RAB11FIP5: variants seen among roughly 807,000 people sequenced by gnomAD.
RAB11FIP5 encodes rab11 family-interacting protein 5.
A neutral mutation model predicts 85.1 loss-of-function variants in RAB11FIP5; 48 were observed. The ratio of observed to expected loss-of-function variants is 0.56; its 90% CI spans 0.45 to 0.72. The LOEUF (loss-of-function observed/expected upper bound fraction) is 0.72. Among genes scored for constraint, RAB11FIP5 ranks in the 30% least tolerant of loss-of-function variants. RAB11FIP5 has a pLI of 0.00. For missense variants in RAB11FIP5, 1,491 were observed against 1,687.0 expected, an observed-to-expected ratio of 0.88 and a Z score of 2.04; for synonymous variants, 729 against 727.3, an observed-to-expected ratio of 1.00 and a Z score of -0.04.
intron 1 of RAB11FIP5, among the ~76,000 whole-genome samples, chr2:73,111,927 T>A (rs889492868): frequency 7.2e-5 from 11 of 152,180 alleles, no homozygotes; most frequent in African/African-American, 2.7e-4. Context: ...AGGGCAAGGC[T>A]GCGCCTCTCC....
chr2:73,097,563 T>C (rs1298310173), intron 1 of RAB11FIP5, among the ~76,000 whole-genome samples: 1 of 152,218 alleles, frequency 6.6e-6, no homozygotes, highest in Non-Finnish European at 1.5e-5. Flanking sequence ...CAACAAATTA[T>C]TCTGTGACTA....
At chr2:73,103,805 C>T (rs997080249) in intron 1 of RAB11FIP5, among the ~76,000 whole-genome samples, 10 of 152,158 alleles carry the variant, frequency 6.6e-5, no homozygotes, top group Non-Finnish European at 1.5e-4. Context: ...AACAACCCTG[C>T]CCAGGAGGAA....
chr2:73,100,835 C>T (rs1370023797), intron 1 of RAB11FIP5, among the ~76,000 whole-genome samples: 1 of 151,530 alleles, frequency 6.6e-6, no homozygotes, highest in East Asian at 1.9e-4. Context: ...GACGGAGTCT[C>T]GTTCTGTTGC....
At chr2:73,099,522 T>C (rs1204573654) in intron 1 of RAB11FIP5, among the ~76,000 whole-genome samples, 2 of 152,096 alleles carry the variant, frequency 1.3e-5, no homozygotes, top group Non-Finnish European at 2.9e-5. Context: ...AAGCAGAGGA[T>C]GGGTGCTGCT....
Position 73,112,647 on chromosome 2 carries a change from G to A in RAB11FIP5, c.131C>T (p.Ala44Val). The A allele has an allele frequency of 6.3e-7, 1 of 1,599,790 alleles. No homozygotes were observed. The highest frequency in any genetic ancestry group is 8.5e-7 in the Non-Finnish European group (1 of 1,174,840). Residue 44 changes from alanine (A) to valine (V), a missense_variant, in exon 1 of 6, where the codon GCG becomes GTG. By Grantham distance (64) the Ala-to-Val change is moderately conservative. Around this residue, in one of 3 missense-constraint regions of RAB11FIP5, gnomAD observed 1,211 missense variants for 1,338.0 expected, o/e 0.91. Transcript: ENST00000486777. ...GCGGCCCACCTGGATCACCGTGTAC[G>A]CGTCGCTGGTGCTGCCCGCTCCCGA... is the stretch of plus-strand genomic sequence containing the variant. Reference protein sequence around the residue: ...KSSGAGSTSDAYTVIQVGREK... With the variant: ...KSSGAGSTSDVYTVIQVGREK...
chr2:73,111,966 TC>T (rs1022432232), intron 1 of RAB11FIP5, among the ~76,000 whole-genome samples: 4 of 152,026 alleles, frequency 2.6e-5, no homozygotes, highest in African/African-American at 9.7e-5. Flanking sequence ...CGCCCGCAGT[TC>T]CCCTCCCCTT....
intron 1 of RAB11FIP5, among the ~76,000 whole-genome samples, chr2:73,108,139 G>A (rs764535954): frequency 2.0e-5 from 3 of 152,190 alleles, no homozygotes; most frequent in Non-Finnish European, 2.9e-5. Context: ...TCAGCTCTCC[G>A]AGCTCCCTTG....
chr2:73,091,456 T>TACAC (rs149847289), intron 1 of RAB11FIP5, among the ~76,000 whole-genome samples: 3 of 149,252 alleles, frequency 2.0e-5, no homozygotes, highest in Non-Finnish European at 4.5e-5. Context: ...CACACACACA[T>TACAC]ACACACACAC....
chr2:73,102,978 C>T (rs1283629212), intron 1 of RAB11FIP5, among the ~76,000 whole-genome samples: 1 of 152,098 alleles, frequency 6.6e-6, no homozygotes, highest in African/African-American at 2.4e-5. Flanking sequence ...AGTTGGAAAA[C>T]CCTTTTCCCT....
Position 73,110,199 on chromosome 2 carries a change from TTC to T in RAB11FIP5, c.431+2146_431+2147del, listed in dbSNP as rs140726102. 2.9e-3 allele frequency among the ~76,000 whole-genome samples: 443 copies of T among 152,328 alleles called. 1 individual carries two copies. The highest frequency in any genetic ancestry group is 0.01 in the African/African-American group (422 of 41,578). The stretch of plus-strand genomic sequence containing the variant: ...GAGTTAAAGAATGGATACTTTTCAT[TTC>T]CACCATTATCCAAAGCTGAGGAGGG... On this transcript the variant is annotated intron_variant, in intron 1 of 5. Coordinates refer to ENST00000486777, the MANE Select transcript of RAB11FIP5 (RefSeq NM_001371272.1).
At chr2:73,087,940 G>T in intron 3 of RAB11FIP5, 110 bp downstream of exon 3, 1 of 1,102,652 alleles carries the variant, frequency 9.1e-7, no homozygotes, top group Non-Finnish European at 1.3e-6. Flanking sequence ...CAGAGCCCCA[G>T]CAGCCTGCCT....
Position 73,080,655 on chromosome 2 carries a change from A to G in RAB11FIP5, c.2577T>C (p.Ala859=). 1 of 1,232,280 alleles carries G rather than the reference A, an allele frequency of 8.1e-7. No individual in the cohort carries two copies. The allele number at this position is 1,232,280 out of a possible 1,614,324, so 76.3% of individuals were successfully genotyped here. The change falls in exon 4 of 6, where the codon GCT becomes GCC. Residue 859 remains alanine, a synonymous_variant. Transcript: ENST00000486777. ...CTGGTGATTCAGGCTGCACCTGGGG[A>G]GCAGGCTCATCAGACTCTCCCCGAA... ...LVFRGESDEP[A]PQVQPESPET...
chr2:73,083,318 A>G (rs753861071), intron 3 of RAB11FIP5, among the ~76,000 whole-genome samples: 16 of 152,184 alleles, frequency 1.1e-4, no homozygotes, highest in Non-Finnish European at 1.9e-4. Context: ...GGGGCGGACC[A>G]CAGGAAGGAG....
rs754271900 is a variant in RAB11FIP5 at position 73,089,109 on chromosome 2, G to C, written c.638C>G (p.Pro213Arg). The C allele has an allele frequency of 3.1e-6, 5 of 1,614,228 alleles. 1 individual carries two copies. The South Asian group carries it at 3.3e-5, about 11-fold the overall frequency. Residue 213 changes from proline (P) to arginine (R), a missense_variant, in exon 2 of 6, where the codon CCA (proline) becomes CGA (arginine). Coordinates refer to ENST00000486777, the MANE Select transcript of RAB11FIP5 (RefSeq NM_001371272.1). The surrounding 1 kb of genome is among the most constrained non-coding windows in gnomAD (Gnocchi z 4.6). ...GTCAGGATCCTCTATGGCGCTGCTT[G>C]GGAGGATGGCAGAGGCAGATTCCAG... ...YDLESASAIL[P>R]SSAIEDPDLG...
intron 1 of RAB11FIP5, among the ~76,000 whole-genome samples, chr2:73,097,850 A>G (rs551782374): frequency 2.6e-5 from 4 of 152,332 alleles, no homozygotes; most frequent in South Asian, 4.1e-4. Flanking sequence ...TGTGGGACGC[A>G]TCCAGCTTTG....
intron 4 of RAB11FIP5, among the ~76,000 whole-genome samples, chr2:73,076,544 C>G (rs2106100163): frequency 6.6e-6 from 1 of 152,276 alleles, no homozygotes. Flanking sequence ...CTCTTCTATA[C>G]TGTAACCTTT....
intron 1 of RAB11FIP5, among the ~76,000 whole-genome samples, chr2:73,098,456 A>G (rs1005284557): frequency 3.3e-5 from 5 of 152,228 alleles, no homozygotes; most frequent in African/African-American, 1.2e-4. Flanking sequence ...GAGCGCTCAG[A>G]ACAGGGCCCG....
In RAB11FIP5 at chr2:73,081,125, C is replaced by G; in HGVS notation, c.2107G>C (p.Gly703Arg). The change falls in exon 4 of 6, where the codon GGA (glycine) becomes CGA (arginine). Residue 703 changes from glycine to arginine, a missense_variant. This residue lies in a region of RAB11FIP5 where 1,211 missense variants were observed against 1,338.0 expected (regional missense o/e 0.91). Transcript: ENST00000486777. The surrounding 1 kb of genome is among the most constrained non-coding windows in gnomAD (Gnocchi z 4.2). ...CCTCCTCCTCCTCCTCCTCCTCCTC[C>G]TCCCCCAGGCTCTCCCTGGGGCTCA... ...AAEPQGEPGGGGGGGGGGGGR... is the reference protein window; with the variant it reads ...AAEPQGEPGGRGGGGGGGGGR... 3 of 1,234,036 alleles carry G rather than the reference C, an allele frequency of 2.4e-6. No individual in the cohort carries two copies. Among genetic ancestry groups the G allele is most frequent in the Non-Finnish European group, 3.0e-6 (3 of 989,412 alleles). 76.4% of individuals were successfully genotyped at this position (1,234,036 alleles called of 1,614,324 possible). A position where few individuals can be genotyped will look rare whatever the true frequency, so the allele number is the denominator to read the frequency against.
intron 1 of RAB11FIP5, among the ~76,000 whole-genome samples, chr2:73,108,662 G>A (rs1684577907): frequency 6.6e-6 from 1 of 152,194 alleles, no homozygotes; most frequent in Non-Finnish European, 1.5e-5. Context: ...GACCCCACAG[G>A]GAACAAGGAA....
Sources: gnomAD v4.1 joint callset for allele counts (sites outside exome capture counted in the v4.1 genomes callset) on GRCh38, gnomAD v4.1.1 for gene constraint, gnomAD v4.1.1 regional missense constraint, Gnocchi (gnomAD v3.1) non-coding constraint, MANE v1.5 for transcripts, NCBI Gene and HGNC (gene_info 2026-07-23, HGNC 2026-07-21) for gene names.